SLC35F4: variants seen among roughly 807,000 people sequenced by gnomAD.
The protein encoded by SLC35F4 is solute carrier family 35 member F4, also known as chromosome 14 open reading frame 36.
Under a neutral mutation model 44.2 loss-of-function variants are expected in SLC35F4, and 24 were observed. The observed-to-expected ratio is 0.54, with a 90% CI of 0.39 to 0.76. The LOEUF is 0.76. SLC35F4 is among the 30% of genes least tolerant of loss of function. The probability of loss-of-function intolerance (pLI) is 0.00; values close to 1 mark genes in which losing one functional copy is unlikely to be tolerated. For synonymous variants in SLC35F4, 238 were observed against 223.6 expected, an observed-to-expected ratio of 1.06 and a Z score of -0.57; for missense variants, 562 against 586.1, an observed-to-expected ratio of 0.96 and a Z score of 0.42.
At chr14:57,953,685 A>T (rs547676878) in intron 1 of SLC35F4, among the ~76,000 whole-genome samples, 1 of 152,340 alleles carries the variant, frequency 6.6e-6, no homozygotes, top group South Asian at 2.1e-4. Context: ...CAAAAAGGAC[A>T]TTACATAATT....
intron 1 of SLC35F4, among the ~76,000 whole-genome samples, chr14:57,673,320 T>C (rs1197201264): frequency 6.6e-6 from 1 of 152,078 alleles, no homozygotes; most frequent in South Asian, 2.1e-4. Context: ...AGCATGGTTA[T>C]CACCACAGTT....
At position 57,939,296 on chromosome 14, in the gene SLC35F4, G is replaced by A. The variant is rs796134538; in HGVS notation, n.282+42617C>T. The stretch of plus-strand genomic sequence containing the variant: ...ACATCCTGGGGCTGAGGCCAAATAA[G>A]GGTCACAGCTAGACCTCAAAGCAGT... On this transcript the variant is annotated intron_variant and non_coding_transcript_variant, in intron 1 of 1. Coordinates refer to the SLC35F4 transcript ENST00000556568. Among the ~76,000 whole-genome samples the A allele has an allele frequency of 3.5e-4, 54 of 152,304 alleles. 1 individual carries two copies. Among genetic ancestry groups the A allele is most frequent in the African/African-American group, 1.2e-3 (49 of 41,558 alleles).
chr14:57,733,545 C>T (rs1185046781), intron 1 of SLC35F4, among the ~76,000 whole-genome samples: 4 of 148,268 alleles, frequency 2.7e-5, no homozygotes, highest in Admixed American at 1.3e-4. Flanking sequence ...AAAATGTATA[C>T]GTTAATTGAA....
chr14:57,775,263 A>C (rs1047162238), intron 1 of SLC35F4, among the ~76,000 whole-genome samples: 2 of 152,168 alleles, frequency 1.3e-5, no homozygotes, highest in African/African-American at 2.4e-5. Context: ...CCCAGCACCC[A>C]CTAGCACCCT....
intron 1 of SLC35F4, among the ~76,000 whole-genome samples, chr14:57,662,573 T>G (rs73305907): frequency 0.026 from 3,954 of 152,256 alleles, 162 homozygotes; most frequent in African/African-American, 0.089. Context: ...CATGTTATGA[T>G]GCAACACAAG....
intron 1 of SLC35F4, among the ~76,000 whole-genome samples, chr14:57,815,261 A>G (rs148740869): frequency 6.6e-6 from 1 of 152,352 alleles, no homozygotes; most frequent in Non-Finnish European, 1.5e-5. Flanking sequence ...CCAACCTGCT[A>G]AGACATCTCA....
chr14:57,775,395 G>C (rs2077464353), intron 1 of SLC35F4, among the ~76,000 whole-genome samples: 1 of 152,226 alleles, frequency 6.6e-6, no homozygotes, highest in Non-Finnish European at 1.5e-5. Context: ...CCAGCCATTG[G>C]AGTCTTGGAA....
At chr14:57,688,427 C>T (rs1294916206) in intron 1 of SLC35F4, among the ~76,000 whole-genome samples, 1 of 152,052 alleles carries the variant, frequency 6.6e-6, no homozygotes, top group Admixed American at 6.6e-5. Context: ...ATGGCATCAC[C>T]ATAAGACAGC....
At chr14:57,970,925 T>C (rs1881036387) in intron 1 of SLC35F4, among the ~76,000 whole-genome samples, 1 of 152,204 alleles carries the variant, frequency 6.6e-6, no homozygotes, top group Admixed American at 6.5e-5. Context: ...GATATGTTAA[T>C]AGCTTAAATC....
At chr14:57,666,521 CT>C (rs1281777493) in intron 1 of SLC35F4, among the ~76,000 whole-genome samples, 1 of 152,098 alleles carries the variant, frequency 6.6e-6, no homozygotes, top group East Asian at 1.9e-4. Flanking sequence ...TAATTAACAG[CT>C]TCATTGCAGT....
At chr14:57,762,937 T>C (rs1286050297) in intron 1 of SLC35F4, among the ~76,000 whole-genome samples, 1 of 152,166 alleles carries the variant, frequency 6.6e-6, no homozygotes, top group East Asian at 1.9e-4. Context: ...AAAGAATTGG[T>C]TCAGTAATAC....
At chr14:57,823,848 GA>G (rs1883440433) in intron 1 of SLC35F4, among the ~76,000 whole-genome samples, 1 of 151,862 alleles carries the variant, frequency 6.6e-6, no homozygotes, top group South Asian at 2.1e-4. Flanking sequence ...TATAGACATG[GA>G]AAAAATAACA....
chr14:57,594,306 C>T (rs1213965010), intron 1 of SLC35F4, among the ~76,000 whole-genome samples, 182 bp from the exon 2 acceptor site: 2 of 152,200 alleles, frequency 1.3e-5, no homozygotes, highest in Admixed American at 1.3e-4. Context: ...TCTCCTGCCT[C>T]AGCCTCCCAA....
At chr14:57,886,854 G>C (rs1311242794) in intron 1 of SLC35F4, among the ~76,000 whole-genome samples, 2 of 152,296 alleles carry the variant, frequency 1.3e-5, no homozygotes, top group East Asian at 3.9e-4. Flanking sequence ...ACATTTGGAT[G>C]CCACAAGTTC....
At chr14:57,695,203 C>T (rs899880704) in intron 1 of SLC35F4, among the ~76,000 whole-genome samples, 2 of 152,040 alleles carry the variant, frequency 1.3e-5, no homozygotes, top group South Asian at 2.1e-4. Context: ...TTCTGCACAG[C>T]AAAAGAAACT....
chr14:57,818,041 A>G (rs1882794153), intron 1 of SLC35F4, among the ~76,000 whole-genome samples: 3 of 152,152 alleles, frequency 2.0e-5, no homozygotes, highest in Non-Finnish European at 4.4e-5. Flanking sequence ...ACAGTAGGCA[A>G]TACTGCTGTG....
chr14:57,674,659 T>A (rs2074630901), intron 1 of SLC35F4, among the ~76,000 whole-genome samples: 1 of 152,150 alleles, frequency 6.6e-6, no homozygotes, highest in Non-Finnish European at 1.5e-5. Flanking sequence ...ACTTTCAAGC[T>A]AAACAGTTAG....
chr14:57,788,456 G>GC (rs1212924645), intron 1 of SLC35F4, among the ~76,000 whole-genome samples: 1 of 152,048 alleles, frequency 6.6e-6, no homozygotes, highest in Non-Finnish European at 1.5e-5. Flanking sequence ...AACAACCACA[G>GC]AATACACATT....
chr14:57,797,599 T>G (rs527689091), intron 1 of SLC35F4, among the ~76,000 whole-genome samples: 13 of 152,172 alleles, frequency 8.5e-5, no homozygotes, highest in African/African-American at 2.9e-4. Context: ...AGCTTAGGAG[T>G]ATTCTATGCA....
Sources: gnomAD v4.1 joint callset for allele counts (sites outside exome capture counted in the v4.1 genomes callset) on GRCh38, gnomAD v4.1.1 for gene constraint, MANE v1.5 for transcripts, NCBI Gene and HGNC (gene_info 2026-07-23, HGNC 2026-07-21) for gene names.